The following GRID2 variants were observed in gnomAD, a reference collection of about 807,000 sequenced individuals.
The protein encoded by GRID2 is glutamate receptor ionotropic, delta-2.
GRID2 carries 33 observed loss-of-function variants against 114.8 expected under a neutral mutation model. The ratio of observed to expected loss-of-function variants is 0.29; its 90% CI spans 0.22 to 0.38. The LOEUF is 0.38. Ranked by LOEUF, GRID2 falls within the 10% of genes least tolerant of loss-of-function variation. The pLI, the probability that GRID2 is intolerant of heterozygous loss-of-function variation, is 1.00. For missense variants in GRID2, 1,184 were observed against 1,257.7 expected, an observed-to-expected ratio of 0.94 and a Z score of 0.89; for synonymous variants, 505 against 449.9, an observed-to-expected ratio of 1.12 and a Z score of -1.55.
chr4:93,290,709 T>C (rs1055569860), intron 8 of GRID2, among the ~76,000 whole-genome samples: 23 of 152,096 alleles, frequency 1.5e-4, no homozygotes, highest in African/African-American at 5.5e-4. Flanking sequence ...TTTCATCCCA[T>C]CAGCATCCCT....
At chr4:93,566,376 T>G (rs1735418879) in intron 13 of GRID2, among the ~76,000 whole-genome samples, 1 of 152,114 alleles carries the variant, frequency 6.6e-6, no homozygotes, top group South Asian at 2.1e-4. Flanking sequence ...GGGGAAGGGA[T>G]TGACTGCAAG....
At chr4:92,653,151 C>G (rs1022761888) in intron 2 of GRID2, among the ~76,000 whole-genome samples, 4 of 150,518 alleles carry the variant, frequency 2.7e-5, no homozygotes, top group African/African-American at 9.7e-5. Flanking sequence ...GCACTTGCCA[C>G]CACACCCGGC....
intron 2 of GRID2, among the ~76,000 whole-genome samples, chr4:93,005,449 C>T (rs913218587): frequency 9.9e-5 from 15 of 152,006 alleles, no homozygotes; most frequent in African/African-American, 3.1e-4. Context: ...CCTGCTTCCC[C>T]GTTTCCCAGC....
intron 11 of GRID2, among the ~76,000 whole-genome samples, chr4:93,483,911 C>G (rs1447966201): frequency 6.6e-6 from 1 of 151,416 alleles, no homozygotes; most frequent in Admixed American, 6.6e-5. Flanking sequence ...TTTTGCAATA[C>G]TTTTTTAGCA....
intron 2 of GRID2, among the ~76,000 whole-genome samples, chr4:92,608,802 C>T (rs1729581985): frequency 6.6e-6 from 1 of 151,598 alleles, no homozygotes; most frequent in South Asian, 2.1e-4. Context: ...TACAAGTGGC[C>T]ATTGAGGTTT....
intron 2 of GRID2, among the ~76,000 whole-genome samples, chr4:92,853,695 G>A (rs184756392): frequency 2.6e-5 from 4 of 151,936 alleles, no homozygotes; most frequent in Non-Finnish European, 5.9e-5. Context: ...TGTCAATAGT[G>A]GCTTAAAGAG....
chr4:92,806,014 A>G (rs1375977217), intron 2 of GRID2, among the ~76,000 whole-genome samples: 1 of 151,894 alleles, frequency 6.6e-6, no homozygotes, highest in African/African-American at 2.4e-5. Flanking sequence ...ATTATGTTCA[A>G]ATATATACAA....
chr4:93,427,761 T>C (rs995545668), intron 10 of GRID2, among the ~76,000 whole-genome samples: 2 of 152,164 alleles, frequency 1.3e-5, no homozygotes, highest in East Asian at 3.9e-4. Context: ...TAAAAACTAA[T>C]AATATAGTAA....
chr4:92,960,470 T>A (rs911448546), intron 2 of GRID2, among the ~76,000 whole-genome samples: 1 of 152,054 alleles, frequency 6.6e-6, no homozygotes, highest in African/African-American at 2.4e-5. Flanking sequence ...TATTAAGGAC[T>A]GTCATGTCTT....
intron 2 of GRID2, among the ~76,000 whole-genome samples, chr4:92,818,165 A>G (rs1741029553): frequency 2.0e-5 from 3 of 152,124 alleles, no homozygotes; most frequent in African/African-American, 7.2e-5. Context: ...TCAACTGTGA[A>G]CTTTATGTCT....
intron 13 of GRID2, among the ~76,000 whole-genome samples, chr4:93,566,518 C>T (rs1025753417): frequency 9.2e-5 from 14 of 152,046 alleles, no homozygotes; most frequent in African/African-American, 3.4e-4. Flanking sequence ...GCCTGTAATC[C>T]CAACACTTTG....
chr4:93,147,073 T>A (rs1560927300), intron 4 of GRID2, among the ~76,000 whole-genome samples: 1 of 152,232 alleles, frequency 6.6e-6, no homozygotes, highest in African/African-American at 2.4e-5. Context: ...CATTTTACTG[T>A]AATGAAATTT....
At position 92,786,363 on chromosome 4, in the gene GRID2, TGAGA is replaced by T. The variant is rs372235043; in HGVS notation, c.244+196081_244+196084del. On this transcript the variant is annotated intron_variant, in intron 2 of 15. Transcript: ENST00000282020. The stretch of plus-strand genomic sequence containing the variant: ...TTTATCGTGATATCTGCTTTGAAAA[TGAGA>T]GAGTTTGAATAATATTTCATTCTAA... 1.5e-3 allele frequency among the ~76,000 whole-genome samples: 222 copies of T among 151,938 alleles called. 1 individual carries two copies. The highest frequency in any genetic ancestry group is 5.0e-3 in the African/African-American group (208 of 41,514).
intron 13 of GRID2, among the ~76,000 whole-genome samples, chr4:93,621,270 G>A (rs1742197872): frequency 1.3e-5 from 2 of 152,174 alleles, no homozygotes; most frequent in African/African-American, 4.8e-5. Context: ...CAGGTGCTGA[G>A]CCTCAATAGT....
chr4:92,325,519 T>G (rs1299901908), intron 1 of GRID2, among the ~76,000 whole-genome samples: 1 of 151,838 alleles, frequency 6.6e-6, no homozygotes, highest in Non-Finnish European at 1.5e-5. Context: ...GAGGCTAGAG[T>G]TAATTGATTT....
chr4:92,480,600 G>C (rs960688526), intron 1 of GRID2, among the ~76,000 whole-genome samples: 2 of 152,094 alleles, frequency 1.3e-5, no homozygotes, highest in Non-Finnish European at 2.9e-5. Context: ...ACTTGGCAGG[G>C]CTGTGATCCC....
chr4:92,411,651 G>GTATATATATATATATATATATATA (rs1365702947), intron 1 of GRID2, among the ~76,000 whole-genome samples: 24 of 96,294 alleles, frequency 2.5e-4, no homozygotes, highest in Admixed American at 3.9e-4. Context: ...GTGTGTGTGT[G>GTATATATATATATATATATATATA]TGTGTATATA....
chr4:92,910,337 C>T (rs891364797), intron 2 of GRID2, among the ~76,000 whole-genome samples: 3 of 152,078 alleles, frequency 2.0e-5, no homozygotes, highest in Non-Finnish European at 4.4e-5. Context: ...ATCTGAGGTG[C>T]CAATTACTTC....
chr4:92,339,573 T>C (rs1391082733), intron 1 of GRID2, among the ~76,000 whole-genome samples: 1 of 152,174 alleles, frequency 6.6e-6, no homozygotes, highest in East Asian at 1.9e-4. Context: ...ACTGTGGAAT[T>C]TAAACATGAG....
Sources: allele counts gnomAD v4.1 joint callset (sites outside exome capture counted in the v4.1 genomes callset), GRCh38; gene constraint gnomAD v4.1.1; transcripts MANE v1.5; gene names NCBI Gene and HGNC (gene_info 2026-07-23, HGNC 2026-07-21).